TRHDE: variants seen among roughly 807,000 people sequenced by gnomAD.
TRHDE encodes thyrotropin releasing hormone degrading enzyme, also known as thyrotropin-releasing hormone-degrading ectoenzyme.
In TRHDE, 72 loss-of-function variants were observed where a neutral mutation model predicts 125.7. The ratio of observed to expected loss-of-function variants is 0.57; its 90% CI spans 0.47 to 0.70. The LOEUF is 0.70. Among genes scored for constraint, TRHDE ranks in the 30% least tolerant of loss-of-function variants. The probability of loss-of-function intolerance (pLI) is 0.00; values close to 1 mark genes in which losing one functional copy is unlikely to be tolerated. For synonymous variants in TRHDE, 509 were observed against 509.1 expected, an observed-to-expected ratio of 1.00 and a Z score of 0.00; for missense variants, 1,110 against 1,327.1, an observed-to-expected ratio of 0.84 and a Z score of 2.54.
intron 2 of TRHDE, among the ~76,000 whole-genome samples, chr12:72,109,328 C>T (rs190029089): frequency 6.6e-6 from 1 of 152,102 alleles, no homozygotes; most frequent in African/African-American, 2.4e-5. Context: ...ATCTCTTAAG[C>T]TTTCTTTTTG....
intron 1 of TRHDE, among the ~76,000 whole-genome samples, chr12:72,282,956 G>A (rs1393932597): frequency 1.3e-5 from 2 of 152,100 alleles, no homozygotes; most frequent in Non-Finnish European, 2.9e-5. Flanking sequence ...GATCCTTCAA[G>A]GCACAAGACA....
intron 1 of TRHDE, among the ~76,000 whole-genome samples, chr12:72,089,414 C>T (rs1874741117): frequency 6.6e-6 from 1 of 152,166 alleles, no homozygotes. Context: ...TGTACATAAT[C>T]CATACTCTCC....
intron 12 of TRHDE, among the ~76,000 whole-genome samples, chr12:72,583,752 G>T (rs1364221330): frequency 1.3e-5 from 2 of 152,096 alleles, no homozygotes; most frequent in African/African-American, 4.8e-5. Context: ...CAAGGTTAGA[G>T]ATTGAGTTAA....
At chr12:72,490,853 A>G (rs148629762) in intron 5 of TRHDE, among the ~76,000 whole-genome samples, 2,470 of 151,544 alleles carry the variant, frequency 0.016, 34 homozygotes, top group South Asian at 0.04. Context: ...AGATGTAGTT[A>G]AGAGGATACA....
chr12:72,461,849 A>G (rs575121551), intron 3 of TRHDE, among the ~76,000 whole-genome samples: 2 of 152,306 alleles, frequency 1.3e-5, no homozygotes, highest in Admixed American at 1.3e-4. Context: ...CCTATGATGC[A>G]TTCAATTCCC....
chr12:72,176,910 G>A (rs1038167370), intron 2 of TRHDE, among the ~76,000 whole-genome samples: 2 of 152,142 alleles, frequency 1.3e-5, no homozygotes, highest in African/African-American at 2.4e-5. Flanking sequence ...CAGAAAGCAT[G>A]CAAGAAGAAC....
rs112504258 is a variant in TRHDE at position 72,451,811 on chromosome 12, T to G, written c.1316-17947T>G. Among the ~76,000 whole-genome samples the G allele has an allele frequency of 3.2e-3, 493 of 152,246 alleles. 2 individuals carry two copies. The highest frequency in any genetic ancestry group is 0.011 in the African/African-American group (476 of 41,564). ...ATTTATTTGTGTCTTTTTCTTTTCT[T>G]TTTTCTTTCTTTTTGTTTGTTTTGT... On this transcript the variant is annotated intron_variant, in intron 3 of 18. Transcript: ENST00000261180.
intron 6 of TRHDE, among the ~76,000 whole-genome samples, chr12:72,504,594 T>C (rs1878286687): frequency 6.6e-6 from 1 of 152,038 alleles, no homozygotes; most frequent in Non-Finnish European, 1.5e-5. Context: ...GAGCCACTGC[T>C]CCCAGACAGA....
At position 72,248,374 on chromosome 12, in the gene TRHDE, C is replaced by T. The variant is rs1470935789; in HGVS notation, n.280-129621C>T. Among the ~76,000 whole-genome samples, 5 of 143,864 alleles carry T rather than the reference C, an allele frequency of 3.5e-5. No individual in the cohort carries two copies. The East Asian group carries it at 6.2e-4, about 18-fold the overall frequency. 94.4% of individuals were successfully genotyped at this position (143,864 alleles called of 152,430 possible). On this transcript the variant is annotated intron_variant and non_coding_transcript_variant, in intron 2 of 4. Transcript: ENST00000548156. ...CGGAGGTTGCAGTGAGCCGAGATCG[C>T]GCCACTGCACTCCAGCCTGGGCAAC...
intron 3 of TRHDE, among the ~76,000 whole-genome samples, chr12:72,412,199 T>A (rs1181224521): frequency 2.0e-5 from 3 of 152,094 alleles, no homozygotes; most frequent in East Asian, 1.9e-4. Flanking sequence ...GGGAAATTTT[T>A]AAAAATTTAT....
intron 2 of TRHDE, among the ~76,000 whole-genome samples, chr12:72,250,880 A>G (rs565807530): frequency 3.4e-5 from 4 of 117,404 alleles, no homozygotes; most frequent in African/African-American, 1.1e-4. Flanking sequence ...TTTATTGCAT[A>G]CTTTATTTAG....
At chr12:72,399,549 A>C (rs1392032298) in intron 3 of TRHDE, among the ~76,000 whole-genome samples, 1 of 152,190 alleles carries the variant, frequency 6.6e-6, no homozygotes, top group African/African-American at 2.4e-5. Context: ...TCAATGTTTC[A>C]AATTCTATTT....
chr12:72,565,783 G>A (rs1870412963), intron 9 of TRHDE, among the ~76,000 whole-genome samples: 1 of 151,764 alleles, frequency 6.6e-6, no homozygotes, highest in Admixed American at 6.6e-5. Context: ...ATAATCATTA[G>A]AATAAAAGTT....
intron 2 of TRHDE, among the ~76,000 whole-genome samples, chr12:72,348,297 CA>C (rs1416812165): frequency 6.6e-6 from 1 of 151,710 alleles, no homozygotes; most frequent in African/African-American, 2.4e-5. Flanking sequence ...CCCATTAAAG[CA>C]ATAGAAAGCC....
intron 2 of TRHDE, among the ~76,000 whole-genome samples, chr12:72,336,310 A>G (rs1345196769): frequency 1.3e-5 from 2 of 152,290 alleles, no homozygotes; most frequent in South Asian, 4.1e-4. Flanking sequence ...AGCTAATACA[A>G]TCTCTCCTAA....
Position 72,663,057 on chromosome 12 carries a change from G to C in TRHDE, c.3072G>C (p.Lys1024Asn). 1 of 1,608,254 alleles carries C rather than the reference G, an allele frequency of 6.2e-7. No homozygotes were observed. The highest frequency in any genetic ancestry group is 1.1e-5 in the South Asian group (1 of 89,666). ...LNTEGELKEL[K>N]NFMKNYDGVA... Reference sequence around the variant, plus strand: ...TTAAAAATTTCTCTTTCCAGCTCAAGAACTTCATGAAAAACTATGATGGGG... The same window carrying C: ...TTAAAAATTTCTCTTTCCAGCTCAACAACTTCATGAAAAACTATGATGGGG... The change falls in exon 19 of 19, where the codon AAG becomes AAC. Residue 1024 changes from lysine (K) to asparagine (N), a missense_variant. By Grantham distance (94) the Lys-to-Asn change is moderately conservative. Transcript: ENST00000261180.
chr12:72,562,963 T>C lies in TRHDE; in HGVS notation c.1965T>C (p.Asn655=), dbSNP rs2136011825. The C allele has an allele frequency of 3.1e-6, 5 of 1,610,966 alleles. No individual in the cohort carries two copies. The highest frequency in any genetic ancestry group is 4.2e-6 in the Non-Finnish European group (5 of 1,178,532). ...TCTTGGGAAACACAACAGCAGAAAA[T>C]AGAATAATAATTACCCAACAGCATT... ...ITILGNTTAE[N]RIIITQQHFI... is the part of the protein sequence containing the mutation. Residue 655 remains asparagine, a synonymous_variant, in exon 9 of 19, where the codon AAT becomes AAC. Transcript: ENST00000261180.
chr12:72,608,262 G>A (rs1055041885), intron 12 of TRHDE, among the ~76,000 whole-genome samples: 1 of 152,054 alleles, frequency 6.6e-6, no homozygotes, highest in Admixed American at 6.6e-5. Context: ...ACTTTCCAGA[G>A]CCTTAATTCT....
rs1467118542 is a variant in TRHDE, at chr12:72,628,446, C to T, written c.2675+6695C>T. Reference sequence around the variant, plus strand: ...TTTTCTCAAGATTAGATTCTTGATACTTTCAAAAAGTTTAGCTGATTGGGC... The same window carrying T: ...TTTTCTCAAGATTAGATTCTTGATATTTTCAAAAAGTTTAGCTGATTGGGC... On this transcript the variant is annotated intron_variant, in intron 15 of 18. Transcript: ENST00000261180. 5.3e-5 allele frequency among the ~76,000 whole-genome samples: 8 copies of T among 151,884 alleles called. No homozygotes were observed. In the East Asian group the frequency reaches 1.5e-3, roughly 29 times the overall value.
Sources: allele counts gnomAD v4.1 joint callset (sites outside exome capture counted in the v4.1 genomes callset), GRCh38; gene constraint gnomAD v4.1.1; transcripts MANE v1.5; gene names NCBI Gene and HGNC (gene_info 2026-07-23, HGNC 2026-07-21).